The following SUCLA2 variants were observed in gnomAD, a reference collection of about 807,000 sequenced individuals.
SUCLA2 encodes succinate--CoA ligase [ADP-forming] subunit beta, mitochondrial.
SUCLA2 carries 30 observed loss-of-function variants against 54.8 expected under a neutral mutation model. The ratio of observed to expected loss-of-function variants is 0.55; its 90% CI spans 0.41 to 0.74. The LOEUF is 0.74. Among genes scored for constraint, SUCLA2 ranks in the 30% least tolerant of loss-of-function variants. The pLI, the probability that SUCLA2 is intolerant of heterozygous loss-of-function variation, is 0.00. For synonymous variants in SUCLA2, 172 were observed against 188.9 expected (o/e 0.91, Z 0.74); for missense variants, 476 against 562.9 (o/e 0.85, Z 1.56).
chr13:47,945,284 G>A (rs762475026), intron 10 of SUCLA2, among the ~76,000 whole-genome samples: 40 of 147,948 alleles, frequency 2.7e-4, no homozygotes, highest in Non-Finnish European at 5.1e-4. Context: ...TTAGCTGGGC[G>A]TGGTGGCACA....
chr13:47,961,103 G>A (rs1411370732), intron 6 of SUCLA2, among the ~76,000 whole-genome samples: 1 of 152,138 alleles, frequency 6.6e-6, no homozygotes, highest in African/African-American at 2.4e-5. Context: ...AAAGTTTATG[G>A]AAATCTTACC....
chr13:47,989,984 TC>T (rs1188090899), intron 2 of SUCLA2, among the ~76,000 whole-genome samples: 4 of 152,194 alleles, frequency 2.6e-5, no homozygotes, highest in African/African-American at 9.7e-5. Flanking sequence ...CCTTTTCCTC[TC>T]CTTTCTAATT....
At chr13:47,990,801 A>T (rs1391039769) in intron 2 of SUCLA2, among the ~76,000 whole-genome samples, 5 of 152,234 alleles carry the variant, frequency 3.3e-5, no homozygotes, top group Non-Finnish European at 7.3e-5. Context: ...AACCAAATCA[A>T]TGAGGTAGGA....
intron 2 of SUCLA2, among the ~76,000 whole-genome samples, chr13:47,990,428 A>AT (rs1191694264): frequency 1.3e-5 from 2 of 152,118 alleles, no homozygotes; most frequent in African/African-American, 4.8e-5. Flanking sequence ...ACAAAATATA[A>AT]CATGTACCAC....
intron 2 of SUCLA2, among the ~76,000 whole-genome samples, chr13:47,996,167 C>CA (rs1425663346): frequency 6.6e-6 from 1 of 151,590 alleles, no homozygotes; most frequent in Admixed American, 6.6e-5. Flanking sequence ...ACTAAAAATA[C>CA]AAAAAAATTA....
chr13:48,001,138 T>C (rs753907759), intron 1 of SUCLA2, 42 bp downstream of exon 1: 35 of 1,576,318 alleles, frequency 2.2e-5, no homozygotes, highest in Non-Finnish European at 2.9e-5. Flanking sequence ...TCACCCTTTC[T>C]CCTGCCGACC....
At chr13:47,959,601 T>C (rs1014410623) in intron 6 of SUCLA2, among the ~76,000 whole-genome samples, 15 of 151,992 alleles carry the variant, frequency 9.9e-5, no homozygotes, top group Non-Finnish European at 2.2e-4. Flanking sequence ...CTGGTACTGA[T>C]TGGAAAGCCC....
intron 4 of SUCLA2, among the ~76,000 whole-genome samples, chr13:47,980,898 A>G (rs1490825173): frequency 6.6e-6 from 1 of 152,212 alleles, no homozygotes; most frequent in Non-Finnish European, 1.5e-5. Context: ...CCACATGCAA[A>G]AGAATGAAGT....
At chr13:47,994,363 T>G (rs1323929139) in intron 2 of SUCLA2, among the ~76,000 whole-genome samples, 1 of 151,864 alleles carries the variant, frequency 6.6e-6, no homozygotes, top group Non-Finnish European at 1.5e-5. Flanking sequence ...AGGTCAGGGG[T>G]TCGAGACCAG....
intron 10 of SUCLA2, among the ~76,000 whole-genome samples, chr13:47,948,563 G>C (rs1462793728): frequency 6.6e-6 from 1 of 152,034 alleles, no homozygotes; most frequent in Admixed American, 6.6e-5. Flanking sequence ...ATTTTACCAA[G>C]AATCTTGCTT....
intron 2 of SUCLA2, among the ~76,000 whole-genome samples, chr13:47,989,411 C>T (rs1200220524): frequency 6.6e-6 from 1 of 152,048 alleles, no homozygotes; most frequent in Non-Finnish European, 1.5e-5. Context: ...CAGGGTTTCA[C>T]CATGTTAGCC....
At chr13:47,955,664 CCT>C (rs139444703) in intron 6 of SUCLA2, among the ~76,000 whole-genome samples, 6,404 of 152,122 alleles carry the variant, frequency 0.042, 446 homozygotes, top group African/African-American at 0.14. Context: ...AATGCCAACC[CCT>C]GTGCTTAAAC....
intron 6 of SUCLA2, among the ~76,000 whole-genome samples, chr13:47,963,436 G>C (rs1396835730): frequency 6.6e-6 from 1 of 152,166 alleles, no homozygotes; most frequent in African/African-American, 2.4e-5. Context: ...CTGAGGTCAA[G>C]AGTTTGAGAC....
At chr13:47,965,516 CA>C (rs76546945) in intron 6 of SUCLA2, 5,912 of 266,826 alleles carry the variant, frequency 0.022, 1 homozygote, top group Middle Eastern at 0.033. Flanking sequence ...AACAAACAAA[CA>C]AAAAAAAAAA....
chr13:47,954,349 C>T (rs1323513235), intron 7 of SUCLA2, 47 bp downstream of exon 7: 1 of 1,613,658 alleles, frequency 6.2e-7, no homozygotes, highest in South Asian at 1.1e-5. Flanking sequence ...TTAGTAAATC[C>T]AAATTAAACT....
At chr13:47,957,688 A>T (rs1159738215) in intron 6 of SUCLA2, among the ~76,000 whole-genome samples, 1 of 152,224 alleles carries the variant, frequency 6.6e-6, no homozygotes, top group East Asian at 1.9e-4. Context: ...GAGAGAGGGA[A>T]GCACCCTAAC....
intron 1 of SUCLA2, among the ~76,000 whole-genome samples, chr13:47,999,176 T>A (rs2137756934): frequency 6.7e-6 from 1 of 148,810 alleles, no homozygotes. Context: ...TCATCCCAGT[T>A]TAAATTTTTA....
At chr13:47,958,257 T>C (rs1192875113) in intron 6 of SUCLA2, among the ~76,000 whole-genome samples, 1 of 152,188 alleles carries the variant, frequency 6.6e-6, no homozygotes, top group East Asian at 1.9e-4. Flanking sequence ...AATTACCTAT[T>C]GGAGTAAACA....
intron 4 of SUCLA2, among the ~76,000 whole-genome samples, chr13:47,974,946 T>C (rs769643124): frequency 6.6e-4 from 100 of 152,276 alleles, no homozygotes; most frequent in Non-Finnish European, 1.4e-3. Context: ...ATTGTATTAT[T>C]TTTTAACATA....
Sources: allele counts gnomAD v4.1 joint callset (sites outside exome capture counted in the v4.1 genomes callset), GRCh38; gene constraint gnomAD v4.1.1; transcripts MANE v1.5; gene names NCBI Gene and HGNC (gene_info 2026-07-23, HGNC 2026-07-21).